The following ASTN2 variants were observed in gnomAD, a reference collection of about 807,000 sequenced individuals.
ASTN2 encodes the protein astrotactin-2.
ASTN2 carries 54 observed loss-of-function variants against 139.8 expected under a neutral mutation model. That is an observed-to-expected ratio of 0.39 (90% CI 0.31 to 0.48). ASTN2 has a LOEUF of 0.48. Among genes scored for constraint, ASTN2 ranks in the 20% least tolerant of loss-of-function variants. The probability of loss-of-function intolerance (pLI) is 0.95; values close to 1 mark genes in which losing one functional copy is unlikely to be tolerated. For missense variants in ASTN2, 1,565 were observed against 1,725.1 expected (o/e 0.91, Z 1.64); for synonymous variants, 756 against 719.5 (o/e 1.05, Z -0.81).
intron 2 of ASTN2, among the ~76,000 whole-genome samples, chr9:117,261,507 G>A (rs1833822130): frequency 6.6e-6 from 1 of 152,112 alleles, no homozygotes; most frequent in South Asian, 2.1e-4. Context: ...ATCAGCAAAT[G>A]TTTCTTCAAT....
chr9:116,796,993 T>A (rs1407920304), intron 13 of ASTN2, among the ~76,000 whole-genome samples: 1 of 151,944 alleles, frequency 6.6e-6, no homozygotes, highest in East Asian at 1.9e-4. Flanking sequence ...ATTTTTCTTT[T>A]TTTTTTTTGT....
chr9:116,591,395 C>T (rs1356737926), intron 19 of ASTN2, among the ~76,000 whole-genome samples: 1 of 152,230 alleles, frequency 6.6e-6, no homozygotes, highest in Non-Finnish European at 1.5e-5. Context: ...CCCACACCCA[C>T]TAGCTCACAC....
At chr9:116,778,292 A>G (rs1161066976) in intron 13 of ASTN2, among the ~76,000 whole-genome samples, 1 of 152,190 alleles carries the variant, frequency 6.6e-6, no homozygotes, top group Admixed American at 6.5e-5. Flanking sequence ...AGTAGAGAAA[A>G]CAGACATTAT....
intron 13 of ASTN2, among the ~76,000 whole-genome samples, chr9:116,737,272 C>T (rs1272835159): frequency 6.6e-6 from 1 of 152,136 alleles, no homozygotes; most frequent in Non-Finnish European, 1.5e-5. Context: ...TCAGCTGTTT[C>T]GGGAGGCAAA....
chr9:116,702,873 A>C (rs1588224272), intron 16 of ASTN2, among the ~76,000 whole-genome samples: 3 of 152,288 alleles, frequency 2.0e-5, no homozygotes. Flanking sequence ...GAGTCTGTAG[A>C]GGGGCACTCT....
rs374610562 is a variant in ASTN2 at position 117,008,159 on chromosome 9, T to C, written c.1524A>G (p.Pro508=). 6.2e-6 allele frequency: 10 copies of C among 1,611,290 alleles called. No individual in the cohort carries two copies. The highest frequency in any genetic ancestry group is 3.3e-5 in the South Asian group (3 of 90,494). ...SLYYQINATS[P]WVRDLCGQRT... ...TTTGTCCACAGAGGTCCCTCACCCA[T>C]GGGGAGGTGGCATTGATCTGGTAAT... Residue 508 remains proline (P), a synonymous_variant, in exon 7 of 23, where the codon CCA becomes CCG. Transcript: ENST00000313400.
At chr9:117,205,553 C>T (rs979145427) in intron 3 of ASTN2, among the ~76,000 whole-genome samples, 1 of 151,982 alleles carries the variant, frequency 6.6e-6, no homozygotes, top group African/African-American at 2.4e-5. Flanking sequence ...TACTTTCTCC[C>T]TGAGTTTCTA....
intron 11 of ASTN2, among the ~76,000 whole-genome samples, chr9:116,827,078 G>T (rs1165102633): frequency 6.6e-6 from 1 of 152,056 alleles, no homozygotes; most frequent in Admixed American, 6.6e-5. Context: ...GGGAGGCTGA[G>T]GTGGGCGGAT....
intron 19 of ASTN2, among the ~76,000 whole-genome samples, chr9:116,594,912 C>G (rs1000775636): frequency 2.0e-5 from 3 of 152,164 alleles, no homozygotes; most frequent in South Asian, 2.1e-4. Flanking sequence ...TCATTATACT[C>G]TCCTCTCCTT....
intron 17 of ASTN2, among the ~76,000 whole-genome samples, chr9:116,628,755 G>C: frequency 6.6e-6 from 1 of 152,192 alleles, no homozygotes; most frequent in South Asian, 2.1e-4. Flanking sequence ...GTCAATGCAG[G>C]TTCACTGATT....
At chr9:116,587,571 T>TA (rs1250246261) in intron 19 of ASTN2, among the ~76,000 whole-genome samples, 1 of 152,122 alleles carries the variant, frequency 6.6e-6, no homozygotes, top group Non-Finnish European at 1.5e-5. Context: ...ATAGTAGGGA[T>TA]AATGATATAA....
intron 1 of ASTN2, among the ~76,000 whole-genome samples, chr9:117,332,706 G>A (rs894384484): frequency 2.6e-5 from 4 of 152,128 alleles, no homozygotes; most frequent in African/African-American, 9.7e-5. Context: ...ATACACAAAT[G>A]TATATAACCG....
chr9:117,060,394 GAAAGAAAGAAAGAAA>G lies in ASTN2; in HGVS notation c.1277-20444_1277-20430del, dbSNP rs1564406359. Among the ~76,000 whole-genome samples, 13 of 75,108 alleles carry G rather than the reference GAAAGAAAGAAAGAAA, an allele frequency of 1.7e-4. 2 individuals are homozygous for G. Among genetic ancestry groups the G allele is most frequent in the African/African-American group, 5.5e-4 (8 of 14,646 alleles). 49.3% of individuals were successfully genotyped at this position (75,108 alleles called of 152,430 possible). On this transcript the variant is annotated intron_variant, in intron 5 of 22. Coordinates refer to ENST00000313400, the MANE Select transcript of ASTN2 (RefSeq NM_001365068.1). The stretch of plus-strand genomic sequence containing the variant: ...AGAAAGAAAGAAAGAAAGAAAGAAA[GAAAGAAAGAAAGAAA>G]GAAGGAAAGGAAGGAAGGAAGGAAG...
intron 4 of ASTN2, among the ~76,000 whole-genome samples, chr9:117,130,807 T>G (rs1829810016): frequency 1.3e-5 from 2 of 152,184 alleles, no homozygotes; most frequent in Non-Finnish European, 2.9e-5. Flanking sequence ...TATCAAAATA[T>G]TGAAGCCCAA....
At chr9:116,482,040 T>G (rs761229259) in intron 20 of ASTN2, among the ~76,000 whole-genome samples, 1 of 152,074 alleles carries the variant, frequency 6.6e-6, no homozygotes, top group Non-Finnish European at 1.5e-5. Flanking sequence ...AAAATAACAC[T>G]ACCCGGCCGG....
chr9:116,608,217 G>A (rs1276299118), intron 19 of ASTN2, among the ~76,000 whole-genome samples: 1 of 152,188 alleles, frequency 6.6e-6, no homozygotes, highest in African/African-American at 2.4e-5. Flanking sequence ...GGAGAGAGCT[G>A]CATAGAGGAA....
Position 117,141,410 on chromosome 9 carries a change from T to C in ASTN2, c.1084A>G (p.Asn362Asp). 1 of 1,367,558 alleles carries C rather than the reference T, an allele frequency of 7.3e-7. No homozygotes were observed. Among genetic ancestry groups the C allele is most frequent in the Non-Finnish European group, 9.8e-7 (1 of 1,021,832 alleles). The allele number at this position is 1,367,558 out of a possible 1,614,324, so 84.7% of individuals were successfully genotyped here. A position where few individuals can be genotyped will look rare whatever the true frequency, so the allele number is the denominator to read the frequency against. Residue 362 changes from asparagine (N) to aspartate (D), a missense_variant, in exon 4 of 23, where the codon AAC (asparagine) becomes GAC (aspartate). Transcript: ENST00000313400. ...MQKFKESFRA[N>D]TPIEIGQLQP... The stretch of plus-strand genomic sequence containing the variant: ...AGCTGACCGATCTCGATGGGCGTGT[T>C]AGCGCGGAAACTCTCCTTGAACTTC...
chr9:117,196,549 C>T (rs1457748836), intron 3 of ASTN2, among the ~76,000 whole-genome samples: 1 of 152,172 alleles, frequency 6.6e-6, no homozygotes, highest in Non-Finnish European at 1.5e-5. Context: ...TCCCAGAGAT[C>T]ACAATGCCTT....
In ASTN2 at chr9:117,019,534, C is replaced by T. The variant is rs545675388; in HGVS notation, c.1424-11275G>A. Reference sequence around the variant, plus strand: ...ACACTGTAGCCTTCTCAGCAACCAGCCTTTCACCAGCCAAGTCCTACTATG... The same window carrying T: ...ACACTGTAGCCTTCTCAGCAACCAGTCTTTCACCAGCCAAGTCCTACTATG... On this transcript the variant is annotated intron_variant, in intron 6 of 22. Coordinates refer to ENST00000313400, the MANE Select transcript of ASTN2 (RefSeq NM_001365068.1). Among the ~76,000 whole-genome samples, 304 of 152,178 alleles carry T rather than the reference C, an allele frequency of 2.0e-3. 4 individuals carry two copies. The highest frequency in any genetic ancestry group is 7.2e-3 in the African/African-American group (297 of 41,538).
Sources: gnomAD v4.1 joint callset for allele counts (sites outside exome capture counted in the v4.1 genomes callset) on GRCh38, gnomAD v4.1.1 for gene constraint, MANE v1.5 for transcripts, NCBI Gene and HGNC (gene_info 2026-07-23, HGNC 2026-07-21) for gene names.